R3HDM2: variants seen among roughly 807,000 people sequenced by gnomAD.
The protein encoded by R3HDM2 is R3H domain containing 2.
A neutral mutation model predicts 124.5 loss-of-function variants in R3HDM2; 38 were observed. That is an observed-to-expected ratio of 0.31 (90% CI 0.24 to 0.40). The LOEUF is 0.40. Among genes scored for constraint, R3HDM2 ranks in the 10% least tolerant of loss-of-function variants. The pLI is 1.00. For synonymous variants in R3HDM2, 391 were observed against 448.0 expected (o/e 0.87, Z 1.61); for missense variants, 869 against 1,236.9 (o/e 0.70, Z 4.46).
In R3HDM2 at chr12:57,283,867, G is replaced by C. The variant is rs1019155374; in HGVS notation, c.1128C>G (p.Ile376Met). ...GISILTRGDS[I>M]GSSKGGSAGR... The stretch of plus-strand genomic sequence containing the variant: ...CCGCACTGCCGCCTTTACTGCTGCC[G>C]ATGCTGTCACCTCGGGTAAGGATAG... The change falls in exon 13 of 24, where the codon ATC becomes ATG. Residue 376 changes from isoleucine to methionine, a missense_variant. Physicochemically the swap from Ile to Met is conservative, Grantham distance 10 (BLOSUM62 1). This residue lies in a region of R3HDM2 where 602 missense variants were observed against 789.2 expected (regional missense o/e 0.76). Coordinates refer to ENST00000402412, the MANE Select transcript of R3HDM2 (RefSeq NM_001394031.1). The C allele has an allele frequency of 1.9e-6, 3 of 1,614,224 alleles. No homozygotes were observed. Among genetic ancestry groups the C allele is most frequent in the Non-Finnish European group, 2.5e-6 (3 of 1,180,052 alleles).
intron 2 of R3HDM2, among the ~76,000 whole-genome samples, chr12:57,359,765 GATTA>G (rs138857429): frequency 0.2 from 29,702 of 151,342 alleles, 3,207 homozygotes; most frequent in Admixed American, 0.28. Flanking sequence ...TCATCTTTTA[GATTA>G]ATTAAGCATT....
Position 57,295,862 on chromosome 12 carries a change from T to TA in R3HDM2, c.702-356dup, listed in dbSNP as rs767695775. On this transcript the variant is annotated intron_variant, in intron 9 of 23. Transcript: ENST00000402412. ...CCAATCCCCTTCCCTGCAAAATACTTAAAAAAATTTTTTTTGTTTGTTTTT... is the reference window on the plus strand; with the variant it reads ...CCAATCCCCTTCCCTGCAAAATACTTAAAAAAAATTTTTTTTGTTTGTTTTT... Among the ~76,000 whole-genome samples the TA allele has an allele frequency of 9.5e-4, 145 of 152,242 alleles. 2 individuals are homozygous for TA. The Middle Eastern group carries it at 0.017, about 18-fold the overall frequency.
intron 2 of R3HDM2, among the ~76,000 whole-genome samples, chr12:57,362,239 A>G (rs1179634972): frequency 6.6e-6 from 1 of 152,220 alleles, no homozygotes; most frequent in African/African-American, 2.4e-5. Flanking sequence ...TCCCTGAGAC[A>G]GCAAGACCAA....
chr12:57,310,315 C>G lies in R3HDM2; in HGVS notation c.114G>C (p.Lys38Asn). 6.5e-7 allele frequency: 1 copy of G among 1,547,238 alleles called. No individual in the cohort carries two copies. ...CTTCACATTCTTTCTCAATTTCTTC[C>G]TTACTTGGAGTCTTAGATATAAACT... is the stretch of plus-strand genomic sequence containing the variant. ...KNKFISKTPSKEEIEKECEDT... is the reference protein window; with the variant it reads ...KNKFISKTPSNEEIEKECEDT... Residue 38 changes from lysine (K) to asparagine (N), a missense_variant, in exon 3 of 24, where the codon AAG (lysine) becomes AAC (asparagine). Around this residue, in one of 2 missense-constraint regions of R3HDM2, gnomAD observed 267 missense variants for 447.7 expected, o/e 0.60. Transcript: ENST00000402412.
At chr12:57,424,283 G>C (rs1032461557) in intron 1 of R3HDM2, among the ~76,000 whole-genome samples, 3 of 151,490 alleles carry the variant, frequency 2.0e-5, no homozygotes, top group South Asian at 2.1e-4. Flanking sequence ...TCAGCCTCCC[G>C]AGTAGCTGGG....
chr12:57,295,272 T>A, intron 10 of R3HDM2, 127 bp downstream of exon 10: 1 of 679,596 alleles, frequency 1.5e-6, no homozygotes. Context: ...GCCAACTCCG[T>A]ATAGCTCAAT....
intron 2 of R3HDM2, among the ~76,000 whole-genome samples, chr12:57,353,275 C>T (rs145992652): frequency 0.01 from 1,540 of 151,742 alleles, 19 homozygotes; most frequent in African/African-American, 0.036. Context: ...AATTACAAAC[C>T]AAAAAGAAAA....
chr12:57,412,697 A>C (rs1257557812), intron 1 of R3HDM2, among the ~76,000 whole-genome samples: 1 of 152,074 alleles, frequency 6.6e-6, no homozygotes, highest in Non-Finnish European at 1.5e-5. Context: ...TTACCTGAGC[A>C]TAAGAGGGAT....
At chr12:57,360,938 G>A (rs1345936287) in intron 2 of R3HDM2, among the ~76,000 whole-genome samples, 1 of 149,944 alleles carries the variant, frequency 6.7e-6, no homozygotes, top group Non-Finnish European at 1.5e-5. Context: ...TATGGTCCCA[G>A]CTACTTGGGA....
chr12:57,367,231 T>C (rs1056709277), intron 2 of R3HDM2, among the ~76,000 whole-genome samples: 3 of 152,160 alleles, frequency 2.0e-5, no homozygotes, highest in African/African-American at 7.2e-5. Flanking sequence ...CAGAAGTCTT[T>C]CTCTGGCCTT....
At chr12:57,328,190 A>G (rs1593333620) in intron 2 of R3HDM2, among the ~76,000 whole-genome samples, 1 of 151,728 alleles carries the variant, frequency 6.6e-6, no homozygotes, top group South Asian at 2.1e-4. Context: ...TCCCGCCTCA[A>G]CCTCCCAAGG....
intron 2 of R3HDM2, among the ~76,000 whole-genome samples, chr12:57,381,848 C>T (rs1423550317): frequency 6.6e-6 from 1 of 152,050 alleles, no homozygotes; most frequent in Admixed American, 6.6e-5. Context: ...CACAGGGTCT[C>T]GCTCTGAGGC....
chr12:57,408,921 T>C (rs1370653153), intron 1 of R3HDM2, among the ~76,000 whole-genome samples: 1 of 152,036 alleles, frequency 6.6e-6, no homozygotes, highest in African/African-American at 2.4e-5. Flanking sequence ...TAAAGCCTAG[T>C]TCAATTTCTA....
At chr12:57,341,463 A>T in intron 2 of R3HDM2, 7 of 971,744 alleles carry the variant, frequency 7.2e-6, no homozygotes, top group Non-Finnish European at 8.6e-6. Flanking sequence ...CAAAATCACT[A>T]CGTCACTGGA....
intron 4 of R3HDM2, among the ~76,000 whole-genome samples, chr12:57,302,716 T>A (rs1446558653): frequency 6.7e-5 from 10 of 148,408 alleles, no homozygotes; most frequent in Admixed American, 1.3e-4. Context: ...AAAAAGCCTG[T>A]ATTTTTAGGA....
chr12:57,410,907 G>GA (rs1337106265), intron 1 of R3HDM2, among the ~76,000 whole-genome samples: 1 of 152,032 alleles, frequency 6.6e-6, no homozygotes, highest in African/African-American at 2.4e-5. Flanking sequence ...AGACAGTAGG[G>GA]AAAAAATAGT....
Position 57,254,889 on chromosome 12 carries a change from G to A in R3HDM2, c.2857C>T (p.Pro953Ser), listed in dbSNP as rs767978561. 1.6e-5 allele frequency: 26 copies of A among 1,614,032 alleles called. No individual in the cohort carries two copies. The highest frequency in any genetic ancestry group is 1.6e-4 in the Middle Eastern group (1 of 6,082). The change falls in exon 24 of 24, where the codon CCC (proline) becomes TCC (serine). Residue 953 changes from proline (P) to serine (S), a missense_variant. Physicochemically the swap from Pro to Ser is moderately conservative, Grantham distance 74. Coordinates refer to ENST00000402412, the MANE Select transcript of R3HDM2 (RefSeq NM_001394031.1). ...AGGGAGGCATTTTGGGCAGCCAGGG[G>A]GCTGGGGAACACAGCCACAATGGTG... is the stretch of plus-strand genomic sequence containing the variant. ...LYTIVAVFPS[P>S]LAAQNASLRL... is the part of the protein sequence containing the mutation.
chr12:57,278,185 C>A (rs1013214607), intron 14 of R3HDM2, among the ~76,000 whole-genome samples: 1 of 152,032 alleles, frequency 6.6e-6, no homozygotes, highest in Non-Finnish European at 1.5e-5. Context: ...GTTCCTTTAC[C>A]CCCGAGCTAT....
At chr12:57,364,066 TAA>T (rs2062294083) in intron 2 of R3HDM2, among the ~76,000 whole-genome samples, 1 of 151,670 alleles carries the variant, frequency 6.6e-6, no homozygotes, top group Admixed American at 6.6e-5. Flanking sequence ...ATGATTCTAA[TAA>T]AAAGTTTGCT....
Sources: allele counts gnomAD v4.1 joint callset (sites outside exome capture counted in the v4.1 genomes callset), GRCh38; gene constraint gnomAD v4.1.1; regional missense constraint gnomAD v4.1.1; transcripts MANE v1.5; gene names NCBI Gene and HGNC (gene_info 2026-07-23, HGNC 2026-07-21).